The following TRIM71 variants were observed in gnomAD, a reference collection of about 807,000 sequenced individuals.
The protein encoded by TRIM71 is tripartite motif containing 71.
Under a neutral mutation model 61.2 loss-of-function variants are expected in TRIM71, and 9 were observed. The observed-to-expected ratio is 0.15, with a 90% CI of 0.09 to 0.26. The LOEUF (loss-of-function observed/expected upper bound fraction) is 0.26. Ranked by LOEUF, TRIM71 falls within the 10% of genes least tolerant of loss-of-function variation. The probability of loss-of-function intolerance (pLI) is 1.00; values close to 1 mark genes in which losing one functional copy is unlikely to be tolerated. For synonymous variants in TRIM71, 645 were observed against 553.2 expected (o/e 1.17, Z -2.33); for missense variants, 998 against 1,238.7 (o/e 0.81, Z 2.92).
intron 3 of TRIM71, among the ~76,000 whole-genome samples, chr3:32,888,589 G>A (rs1332328411): frequency 6.6e-6 from 1 of 151,970 alleles, no homozygotes; most frequent in East Asian, 1.9e-4. Flanking sequence ...TGCCCAGGCT[G>A]GACTGCAGTG....
chr3:32,831,853 A>C (rs1696275321), intron 1 of TRIM71, among the ~76,000 whole-genome samples: 3 of 152,146 alleles, frequency 2.0e-5, no homozygotes, highest in Non-Finnish European at 2.9e-5. Flanking sequence ...CTTCCTTAAA[A>C]GATATATTTT....
chr3:32,885,824 G>C, intron 2 of TRIM71, 110 bp from the exon 3 acceptor site: 1 of 1,463,880 alleles, frequency 6.8e-7, no homozygotes, highest in Non-Finnish European at 9.1e-7. Context: ...CAAGTGGTCT[G>C]GGAACCCAGG....
intron 1 of TRIM71, among the ~76,000 whole-genome samples, chr3:32,828,962 A>C (rs1696235169): frequency 6.6e-6 from 1 of 151,818 alleles, no homozygotes; most frequent in Non-Finnish European, 1.5e-5. Context: ...CTGGGGTTAC[A>C]GGCATGAGCC....
chr3:32,865,002 G>T (rs1696716526), intron 1 of TRIM71, among the ~76,000 whole-genome samples: 1 of 151,776 alleles, frequency 6.6e-6, no homozygotes, highest in South Asian at 2.1e-4. Flanking sequence ...GCCCCTTATG[G>T]TTCACCTGGA....
At chr3:32,871,351 C>T (rs549193974) in intron 1 of TRIM71, among the ~76,000 whole-genome samples, 1 of 152,320 alleles carries the variant, frequency 6.6e-6, no homozygotes, top group South Asian at 2.1e-4. Context: ...GTCCACACAG[C>T]TGTCTTGAGA....
At chr3:32,852,963 A>G (rs1462299948) in intron 1 of TRIM71, among the ~76,000 whole-genome samples, 2 of 152,166 alleles carry the variant, frequency 1.3e-5, no homozygotes, top group Non-Finnish European at 1.5e-5. Context: ...ACATGCAAAC[A>G]CTTGACAGGG....
At chr3:32,887,349 G>A (rs1696972378) in intron 3 of TRIM71, among the ~76,000 whole-genome samples, 1 of 152,010 alleles carries the variant, frequency 6.6e-6, no homozygotes, top group African/African-American at 2.4e-5. Context: ...CTTCATTGTA[G>A]TAAGCAGTTT....
intron 2 of TRIM71, among the ~76,000 whole-genome samples, chr3:32,874,932 T>G (rs1252489181): frequency 6.6e-6 from 1 of 152,186 alleles, no homozygotes; most frequent in Non-Finnish European, 1.5e-5. Flanking sequence ...GTGATTCTGC[T>G]GCCTCAGCCT....
At position 32,818,053 on chromosome 3, in the gene TRIM71, C is replaced by A; in HGVS notation, c.-28C>A. On this transcript the variant is annotated 5_prime_UTR_variant, in exon 1 of 4. Coordinates refer to ENST00000383763, the MANE Select transcript of TRIM71 (RefSeq NM_001039111.3). ...CCTCCTCCTCCTCTTCCTCTCTGGT[C>A]TCCTCCCTCCTCCGGGCTGGGTTGC... is the stretch of plus-strand genomic sequence containing the variant. The A allele has an allele frequency of 6.2e-7, 1 of 1,604,910 alleles. No homozygotes were observed. Among genetic ancestry groups the A allele is most frequent in the South Asian group, 1.1e-5 (1 of 90,762 alleles).
At chr3:32,874,324 TTACTACTACTAC>T (rs34214588) in intron 2 of TRIM71, among the ~76,000 whole-genome samples, 56 of 121,566 alleles carry the variant, frequency 4.6e-4, no homozygotes, top group Admixed American at 9.9e-4. Flanking sequence ...TTAATGCTTA[TTACTACTACTAC>T]TACTACTACT....
At chr3:32,861,939 TCA>T (rs1421975301) in intron 1 of TRIM71, among the ~76,000 whole-genome samples, 1 of 152,208 alleles carries the variant, frequency 6.6e-6, no homozygotes, top group African/African-American at 2.4e-5. Flanking sequence ...TTCAGAGAAT[TCA>T]CAGAGGCCAC....
chr3:32,872,820 G>C (rs977881518), intron 1 of TRIM71, among the ~76,000 whole-genome samples: 21 of 152,190 alleles, frequency 1.4e-4, no homozygotes, highest in African/African-American at 4.8e-4. Context: ...TGTTGTATTT[G>C]TATACTGCTT....
At position 32,873,826 on chromosome 3, in the gene TRIM71, C is replaced by A. The variant is rs1333513062; in HGVS notation, c.861C>A (p.His287Gln). 6.3e-7 allele frequency: 1 copy of A among 1,593,662 alleles called. No individual in the cohort carries two copies. Residue 287 changes from histidine to glutamine, a missense_variant, in exon 2 of 4, where the codon CAC becomes CAA. By Grantham distance (24) the His-to-Gln change is conservative. Around this residue, in one of 5 missense-constraint regions of TRIM71, gnomAD observed 291 missense variants for 431.2 expected, o/e 0.67. Coordinates refer to ENST00000383763, the MANE Select transcript of TRIM71 (RefSeq NM_001039111.3). The part of the protein sequence containing the change: ...FCQHHDDEVL[H>Q]LYCDTCSVPI... ...CCCTCTCTTGTCCCCAGGTGCTGCA[C>A]CTGTACTGTGACACTTGCTCTGTAC...
rs529888577 is a variant in TRIM71 at position 32,818,999 on chromosome 3, G to C, written c.852+67G>C. On this transcript the variant is annotated intron_variant, in intron 1 of 3. Transcript: ENST00000383763. Reference sequence around the variant, plus strand: ...GCGTGTGTGCTCAACAGCGTTTCCCGGCCGGTCCCACAGCGAGGGGAGGAG... The same window carrying C: ...GCGTGTGTGCTCAACAGCGTTTCCCCGCCGGTCCCACAGCGAGGGGAGGAG... The C allele has an allele frequency of 4.4e-5, 68 of 1,561,818 alleles. No homozygotes were observed. The Admixed American group carries it at 1.0e-3, about 24-fold the overall frequency.
intron 2 of TRIM71, among the ~76,000 whole-genome samples, 192 bp from the exon 3 acceptor site, chr3:32,885,742 A>G (rs1045240276): frequency 4.0e-5 from 6 of 151,866 alleles, no homozygotes; most frequent in African/African-American, 1.5e-4. Context: ...CTTGCCAGCA[A>G]CTCCTTTAGT....
At chr3:32,819,274 TC>T (rs1559535107) in intron 1 of TRIM71, among the ~76,000 whole-genome samples, 1 of 966 alleles carries the variant, frequency 1.0e-3, no homozygotes, top group Non-Finnish European at 4.9e-3. Context: ...CGTGGCCTGC[TC>T]CTGCTCTTGT....
intron 1 of TRIM71, among the ~76,000 whole-genome samples, chr3:32,822,767 A>C (rs957216859): frequency 2.0e-5 from 3 of 152,216 alleles, no homozygotes; most frequent in Non-Finnish European, 2.9e-5. Flanking sequence ...TCTCTTTTTA[A>C]GGGTGTGAAA....
chr3:32,888,434 C>CA (rs56834147), intron 3 of TRIM71, among the ~76,000 whole-genome samples: 12 of 95,852 alleles, frequency 1.3e-4, no homozygotes, highest in African/African-American at 5.3e-4. Context: ...CCATCTCTAC[C>CA]AAAAAAAAAA....
At chr3:32,839,654 CT>C (rs143600217) in intron 1 of TRIM71, among the ~76,000 whole-genome samples, 25,836 of 83,352 alleles carry the variant, frequency 0.31, 3,462 homozygotes, top group Middle Eastern at 0.51. Flanking sequence ...GATTATTGAG[CT>C]TTTTTTGGGG....
Sources: allele counts gnomAD v4.1 joint callset (sites outside exome capture counted in the v4.1 genomes callset), GRCh38; gene constraint gnomAD v4.1.1; regional missense constraint gnomAD v4.1.1; transcripts MANE v1.5; gene names NCBI Gene and HGNC (gene_info 2026-07-23, HGNC 2026-07-21).